CYP4F11: variants seen among roughly 807,000 people sequenced by gnomAD.
CYP4F11 encodes the protein cytochrome P450 family 4 subfamily F member 11.
A neutral mutation model predicts 62.2 loss-of-function variants in CYP4F11; 79 were observed. The observed-to-expected ratio is 1.27, with a 90% confidence interval of 1.06 to 1.53. The LOEUF is 1.53. CYP4F11 is among the 40% of genes most tolerant of loss of function. The pLI is 0.00. For synonymous variants in CYP4F11, 290 were observed against 263.7 expected (o/e 1.10, Z -0.97); for missense variants, 777 against 680.5 (o/e 1.14, Z -1.58).
At chr19:15,930,439 A>C (rs2089704431) in intron 1 of CYP4F11, among the ~76,000 whole-genome samples, 1 of 152,000 alleles carries the variant, frequency 6.6e-6, no homozygotes, top group African/African-American at 2.4e-5. Flanking sequence ...TAAAAATACA[A>C]AAATTAGCCA....
chr19:15,914,460 A>G (rs2089565971), intron 10 of CYP4F11, 73 bp from the exon 11 acceptor site: 2 of 1,553,552 alleles, frequency 1.3e-6, no homozygotes, highest in African/African-American at 1.4e-5. Flanking sequence ...TGTCTCCAAG[A>G]CCCCCGGCCT....
chr19:15,933,973 T>G (rs1197975699), intron 1 of CYP4F11, among the ~76,000 whole-genome samples: 1 of 120,606 alleles, frequency 8.3e-6, no homozygotes, highest in African/African-American at 2.9e-5. Context: ...GGGAGAGGAA[T>G]GAGTGAGCGG....
At chr19:15,917,679 C>T (rs1348877149) in intron 8 of CYP4F11, among the ~76,000 whole-genome samples, 1 of 151,522 alleles carries the variant, frequency 6.6e-6, no homozygotes, top group Non-Finnish European at 1.5e-5. Flanking sequence ...CAAAAGGCAA[C>T]AAAAGACAGA....
In CYP4F11 at chr19:15,913,703, C is replaced by T. The variant is rs748262684; in HGVS notation, c.*29G>A. ...TCAGCATAGTTTTGTTTCTGGGACT[C>T]TACAGAGGTGGGTGGGTGGGTAGGA... On this transcript the variant is annotated 3_prime_UTR_variant, in exon 12 of 12. Transcript: ENST00000402119. 4.3e-5 allele frequency: 69 copies of T among 1,606,150 alleles called. No individual in the cohort carries two copies. Among genetic ancestry groups the T allele is most frequent in the Non-Finnish European group, 5.5e-5 (65 of 1,173,818 alleles).
rs759130362 is a variant in CYP4F11, at chr19:15,924,065, A to G, written c.665T>C (p.Ile222Thr). 7 of 1,613,948 alleles carry G rather than the reference A, an allele frequency of 4.3e-6. No individual in the cohort carries two copies. The highest frequency in any genetic ancestry group is 5.9e-6 in the Non-Finnish European group (7 of 1,179,812). The change falls in exon 6 of 12, where the codon ATT (isoleucine) becomes ACT (threonine). Residue 222 changes from isoleucine (I) to threonine (T), a missense_variant. By Grantham distance (89) the Ile-to-Thr change is moderately conservative (BLOSUM62 -1). Transcript: ENST00000402119. ...SNCQEKPSEYIAAILELSAFV... is the reference protein window; with the variant it reads ...SNCQEKPSEYTAAILELSAFV... ...GGCACTGAGCTCCAAGATGGCGGCAATATATTCACTGGGCTTCCTGCATGA... is the reference window on the plus strand; with the variant it reads ...GGCACTGAGCTCCAAGATGGCGGCAGTATATTCACTGGGCTTCCTGCATGA...
chr19:15,918,252 C>T (rs2145039920), intron 8 of CYP4F11, among the ~76,000 whole-genome samples: 1 of 152,170 alleles, frequency 6.6e-6, no homozygotes, highest in East Asian at 1.9e-4. Context: ...CTCATGGACA[C>T]ATGGTGGGGA....
intron 1 of CYP4F11, among the ~76,000 whole-genome samples, chr19:15,930,681 G>A (rs975061048): frequency 5.9e-5 from 9 of 152,150 alleles, no homozygotes; most frequent in Admixed American, 1.3e-4. Context: ...GTGTTTTCTC[G>A]TCTTGGAAAT....
chr19:15,934,037 T>C, intron 1 of CYP4F11, among the ~76,000 whole-genome samples, 174 bp downstream of exon 1: 1 of 130,890 alleles, frequency 7.6e-6, no homozygotes, highest in Non-Finnish European at 1.7e-5. Flanking sequence ...GAGGAATGAG[T>C]GAGCGGGGAG....
intron 6 of CYP4F11, among the ~76,000 whole-genome samples, chr19:15,922,994 T>C (rs2089640471): frequency 6.6e-6 from 1 of 152,130 alleles, no homozygotes; most frequent in South Asian, 2.1e-4. Context: ...GAGGTTGCAG[T>C]GAGCCAAGAT....
At position 15,913,924 on chromosome 19, in the gene CYP4F11, G is replaced by A. The variant is rs1414120127; in HGVS notation, c.1398-15C>T. 6.2e-7 allele frequency: 1 copy of A among 1,603,562 alleles called. No homozygotes were observed. The highest frequency in any genetic ancestry group is 8.5e-7 in the Non-Finnish European group (1 of 1,175,050). ...CGATGCAGTTTCTGGGGGCAAAAGT[G>A]AGGGAATCTGACTGTGCCCATGACC... On this transcript the variant is annotated splice_polypyrimidine_tract_variant and intron_variant, in intron 11 of 11. Transcript: ENST00000402119.
At chr19:15,926,099 G>T (rs2089666814) in intron 4 of CYP4F11, among the ~76,000 whole-genome samples, 2 of 151,580 alleles carry the variant, frequency 1.3e-5, no homozygotes, top group Admixed American at 1.3e-4. Flanking sequence ...GGGAGGTGGA[G>T]CTTGCAGTGA....
At chr19:15,921,068 C>G (rs1298114062) in intron 8 of CYP4F11, among the ~76,000 whole-genome samples, 3 of 7,990 alleles carry the variant, frequency 3.8e-4, no homozygotes, top group African/African-American at 4.0e-4. Flanking sequence ...CTCTCTCTCT[C>G]TCTCTCTCTC....
intron 8 of CYP4F11, among the ~76,000 whole-genome samples, chr19:15,919,644 T>C (rs2089610936): frequency 6.6e-6 from 1 of 151,916 alleles, no homozygotes; most frequent in Non-Finnish European, 1.5e-5. Context: ...TTATCTGTAG[T>C]GTCGCATTGA....
At chr19:15,918,435 A>G (rs1038086137) in intron 8 of CYP4F11, among the ~76,000 whole-genome samples, 1 of 152,184 alleles carries the variant, frequency 6.6e-6, no homozygotes, top group African/African-American at 2.4e-5. Context: ...ACTTAAAATA[A>G]AAGTTGAAAA....
rs2098927856 is a variant in CYP4F11 at position 15,912,729 on chromosome 19, G to GTATATGTATATA, written c.*1002_*1003insTATATACATATA. 1.5e-5 allele frequency: 1 copy of GTATATGTATATA among 67,772 alleles called. No homozygotes were observed. The allele number at this position is 67,772 out of a possible 1,614,324, so 4.2% of individuals were successfully genotyped here. The stretch of plus-strand genomic sequence containing the variant: ...TGTGTGTGTGTGTGTGTGTGTGTGT[G>GTATATGTATATA]TGTGTATATGTATATATGTGTGTGT... On this transcript the variant is annotated 3_prime_UTR_variant, in exon 12 of 12. Coordinates refer to ENST00000402119, the MANE Select transcript of CYP4F11 (RefSeq NM_021187.4).
intron 8 of CYP4F11, among the ~76,000 whole-genome samples, chr19:15,915,852 G>A (rs1274357037): frequency 6.7e-6 from 1 of 149,302 alleles, no homozygotes; most frequent in Non-Finnish European, 1.5e-5. Context: ...CAACCAGATT[G>A]AGTTGATTTT....
chr19:15,928,230 A>T (rs1311076696), intron 2 of CYP4F11: 1 of 151,998 alleles, frequency 6.6e-6, no homozygotes, highest in Non-Finnish European at 1.5e-5. Flanking sequence ...AACCAAAAAG[A>T]CTCTGACATG....
chr19:15,912,910 T>C lies in CYP4F11; in HGVS notation c.*822A>G, dbSNP rs1320777502. On this transcript the variant is annotated 3_prime_UTR_variant, in exon 12 of 12. Coordinates refer to ENST00000402119, the MANE Select transcript of CYP4F11 (RefSeq NM_021187.4). ...CAAAACACAGCCTTTAAAGTCGTGG[T>C]AGAAATAACGATCTTGAAAGACAAC... The C allele has an allele frequency of 6.6e-6, 1 of 150,992 alleles. No homozygotes were observed. The highest frequency in any genetic ancestry group is 1.5e-5 in the Non-Finnish European group (1 of 67,898). The allele number at this position is 150,992 out of a possible 1,614,324, so 9.4% of individuals were successfully genotyped here.
upstream of CYP4F11, chr19:15,934,673 G>C (rs910428279): frequency 2.5e-6 from 1 of 405,286 alleles, no homozygotes; most frequent in African/African-American, 2.1e-5. Flanking sequence ...ATCACTGGGA[G>C]GTTGCCAGGG....
Sources: gnomAD v4.1 joint callset for allele counts (sites outside exome capture counted in the v4.1 genomes callset) on GRCh38, gnomAD v4.1.1 for gene constraint, MANE v1.5 for transcripts, NCBI Gene and HGNC (gene_info 2026-07-23, HGNC 2026-07-21) for gene names.